The following RAPGEF4 variants were observed in gnomAD, a reference collection of about 807,000 sequenced individuals.
The protein encoded by RAPGEF4 is RAP guanine-nucleotide-exchange factor (GEF) 4.
A neutral mutation model predicts 147.9 loss-of-function variants in RAPGEF4; 66 were observed. The ratio of observed to expected loss-of-function variants is 0.45; its 90% CI spans 0.37 to 0.55. The LOEUF is 0.55. Ranked by LOEUF, RAPGEF4 falls within the 20% of genes least tolerant of loss-of-function variation. The probability of loss-of-function intolerance (pLI) is 0.00; values close to 1 mark genes in which losing one functional copy is unlikely to be tolerated. For synonymous variants in RAPGEF4, 419 were observed against 442.7 expected (o/e 0.95, Z 0.67); for missense variants, 1,071 against 1,257.3 (o/e 0.85, Z 2.24).
intron 9 of RAPGEF4, 156 bp from the exon 10 acceptor site, chr2:172,967,105 C>A: frequency 1.5e-6 from 1 of 680,664 alleles, no homozygotes; most frequent in Non-Finnish European, 2.4e-6. Context: ...TGTCTTCCAG[C>A]TGCACAGTCT....
chr2:172,852,019 A>G (rs745809650), intron 4 of RAPGEF4, among the ~76,000 whole-genome samples: 11 of 152,236 alleles, frequency 7.2e-5, no homozygotes, highest in Non-Finnish European at 1.2e-4. Context: ...TTTTACTTCA[A>G]TGTCTTTCAT....
intron 13 of RAPGEF4, 97 bp from the exon 14 acceptor site, chr2:172,988,596 A>G: frequency 7.3e-7 from 1 of 1,369,266 alleles, no homozygotes; most frequent in Non-Finnish European, 1.0e-6. Context: ...CCATTTATCT[A>G]CAATGTTTTA....
In RAPGEF4 at chr2:173,014,328, A is replaced by C. The variant is rs551284643; in HGVS notation, c.1659-136A>C. ...ACAGACACTTTCTGTGGGGTTTTTC[A>C]TGAGGGCCTAGGGGAGGAATTCTAT... On this transcript the variant is annotated intron_variant, in intron 17 of 30. Coordinates refer to ENST00000397081, the MANE Select transcript of RAPGEF4 (RefSeq NM_007023.4). 2.4e-5 allele frequency: 26 copies of C among 1,074,816 alleles called. No individual in the cohort carries two copies. The South Asian group carries it at 3.5e-4, about 14-fold the overall frequency. 66.6% of individuals were successfully genotyped at this position (1,074,816 alleles called of 1,614,324 possible). A position where few individuals can be genotyped will look rare whatever the true frequency, so the allele number is the denominator to read the frequency against.
chr2:172,829,810 T>A (rs1690092438), intron 4 of RAPGEF4, among the ~76,000 whole-genome samples: 1 of 149,304 alleles, frequency 6.7e-6, no homozygotes, highest in African/African-American at 2.4e-5. Context: ...TATAATATAA[T>A]AACTCATTTA....
Position 172,795,154 on chromosome 2 carries a change from A to G in RAPGEF4, c.195A>G (p.Glu65=). 6.2e-7 allele frequency: 1 copy of G among 1,608,974 alleles called. No homozygotes were observed. The highest frequency in any genetic ancestry group is 8.5e-7 in the Non-Finnish European group (1 of 1,175,686). ...TATGTGGTTATTATGAGAATCTGGA[A>G]AAGGGAATAACATGTAAGAAATGCA... is the stretch of plus-strand genomic sequence containing the variant. ...ICLCGYYENL[E]KGITLFRQGD... Residue 65 remains glutamate, a synonymous_variant, in exon 2 of 31, where the codon GAA becomes GAG. Transcript: ENST00000397081.
chr2:172,923,969 T>TA (rs567731095), intron 6 of RAPGEF4, among the ~76,000 whole-genome samples: 16 of 151,780 alleles, frequency 1.1e-4, no homozygotes, highest in African/African-American at 2.7e-4. Context: ...TAAAAAACTT[T>TA]AAAAAAAATC....
chr2:172,794,360 A>AG (rs1036636708), intron 1 of RAPGEF4, among the ~76,000 whole-genome samples: 8 of 150,452 alleles, frequency 5.3e-5, no homozygotes, highest in East Asian at 3.9e-4. Context: ...AAAAAAAAAA[A>AG]AAAAAGAAAA....
chr2:172,988,392 A>C, intron 13 of RAPGEF4, 120 bp downstream of exon 13: 16 of 1,440,212 alleles, frequency 1.1e-5, no homozygotes, highest in Non-Finnish European at 1.5e-5. Context: ...GATGTAGAAA[A>C]GACATTATTG....
At chr2:172,810,451 T>C (rs1396591803) in intron 3 of RAPGEF4, among the ~76,000 whole-genome samples, 1 of 152,218 alleles carries the variant, frequency 6.6e-6, no homozygotes, top group African/African-American at 2.4e-5. Flanking sequence ...CAGATCAACA[T>C]GCATGCTGCT....
intron 4 of RAPGEF4, among the ~76,000 whole-genome samples, chr2:172,839,964 C>G (rs1393529508): frequency 6.6e-6 from 1 of 152,148 alleles, no homozygotes; most frequent in Non-Finnish European, 1.5e-5. Flanking sequence ...ATGTATGGGT[C>G]AAGAAGTGAA....
intron 4 of RAPGEF4, among the ~76,000 whole-genome samples, chr2:172,845,150 T>C (rs1453319449): frequency 6.6e-6 from 1 of 152,198 alleles, no homozygotes; most frequent in African/African-American, 2.4e-5. Context: ...ATAGGGATCA[T>C]GTGGAAGTGA....
At chr2:172,741,456 C>T (rs935715672) in intron 1 of RAPGEF4, among the ~76,000 whole-genome samples, 4 of 152,156 alleles carry the variant, frequency 2.6e-5, no homozygotes, top group African/African-American at 4.8e-5. Flanking sequence ...TGGGGAAGGG[C>T]GTGGGTGACA....
intron 15 of RAPGEF4, among the ~76,000 whole-genome samples, chr2:172,995,785 A>C (rs140859959): frequency 6.6e-6 from 1 of 152,234 alleles, no homozygotes; most frequent in African/African-American, 2.4e-5. Flanking sequence ...AACACCATGG[A>C]AAGATCTTCT....
intron 1 of RAPGEF4, among the ~76,000 whole-genome samples, chr2:172,770,029 A>G (rs183052949): frequency 6.6e-6 from 1 of 152,278 alleles, no homozygotes; most frequent in Admixed American, 6.5e-5. Flanking sequence ...AAAGAGGGTG[A>G]GACTAATTAA....
At chr2:172,925,777 A>AAGAAAGAGAGAGAGAGAGAGAGAG (rs1553531721) in intron 6 of RAPGEF4, among the ~76,000 whole-genome samples, 1 of 133,804 alleles carries the variant, frequency 7.5e-6, no homozygotes, top group Non-Finnish European at 1.6e-5. Flanking sequence ...GAAAGAAAGA[A>AAGAAAGAGAGAGAGAGAGAGAGAG]AGAGAGAGAG....
At chr2:172,992,933 G>C (rs534851564) in intron 15 of RAPGEF4, among the ~76,000 whole-genome samples, 31 of 152,170 alleles carry the variant, frequency 2.0e-4, no homozygotes, top group African/African-American at 7.5e-4. Context: ...GGGGCATGTA[G>C]ATAAATATGG....
intron 4 of RAPGEF4, among the ~76,000 whole-genome samples, chr2:172,870,813 A>G (rs181841113): frequency 1.3e-5 from 2 of 152,336 alleles, no homozygotes; most frequent in East Asian, 3.9e-4. Context: ...TAAAATTCCT[A>G]TGCAGAGACG....
chr2:172,836,445 C>T (rs1191045655), intron 4 of RAPGEF4, among the ~76,000 whole-genome samples: 2 of 152,204 alleles, frequency 1.3e-5, no homozygotes. Context: ...AGAGCAACCT[C>T]ATAGCCCTGA....
At position 172,890,838 on chromosome 2, in the gene RAPGEF4, A is replaced by G. The variant is rs981211805; in HGVS notation, c.445-26964A>G. On this transcript the variant is annotated intron_variant, in intron 4 of 30. Transcript: ENST00000397081. ...AAAACATGGGGACTTTCGTTAAAAA[A>G]TTATTAACAGATCAGGTGTGGTGGC... is the stretch of plus-strand genomic sequence containing the variant. 1.3e-5 allele frequency among the ~76,000 whole-genome samples: 2 copies of G among 152,228 alleles called. 1 individual carries two copies. Among genetic ancestry groups the G allele is most frequent in the Middle Eastern group, 6.3e-3 (2 of 316 alleles).
Sources: allele counts gnomAD v4.1 joint callset (sites outside exome capture counted in the v4.1 genomes callset), GRCh38; gene constraint gnomAD v4.1.1; transcripts MANE v1.5; gene names NCBI Gene and HGNC (gene_info 2026-07-23, HGNC 2026-07-21).